The following MARCHF1 variants were observed in gnomAD, a reference collection of about 807,000 sequenced individuals.
MARCHF1 encodes E3 ubiquitin-protein ligase MARCHF1.
MARCHF1 carries 40 observed loss-of-function variants against 54.2 expected under a neutral mutation model. The observed-to-expected ratio is 0.74, with a 90% CI of 0.57 to 0.96. The LOEUF is 0.96. Among genes scored for constraint, MARCHF1 ranks in the 40% least tolerant of loss-of-function variants. MARCHF1 has a pLI of 0.00. For synonymous variants in MARCHF1, 236 were observed against 236.3 expected, an observed-to-expected ratio of 1.00 and a Z score of 0.01; for missense variants, 586 against 656.5, an observed-to-expected ratio of 0.89 and a Z score of 1.17.
chr4:164,203,609 C>A (rs1370111312), intron 1 of MARCHF1, among the ~76,000 whole-genome samples: 1 of 152,138 alleles, frequency 6.6e-6, no homozygotes, highest in Non-Finnish European at 1.5e-5. Context: ...TACCCTCACC[C>A]TGTGCCAAAA....
chr4:164,283,728 C>A (rs1175904467), intron 1 of MARCHF1, among the ~76,000 whole-genome samples: 1 of 150,744 alleles, frequency 6.6e-6, no homozygotes, highest in Non-Finnish European at 1.5e-5. Flanking sequence ...AAATTACCAA[C>A]AGAGTCATTA....
chr4:163,581,310 A>G (rs1490116415), intron 8 of MARCHF1, among the ~76,000 whole-genome samples: 1 of 152,216 alleles, frequency 6.6e-6, no homozygotes, highest in Admixed American at 6.5e-5. Context: ...GAATTAGTTA[A>G]ATGATATATG....
chr4:163,883,824 T>G lies in MARCHF1; in HGVS notation c.-38-29655A>C, dbSNP rs148114255. On this transcript the variant is annotated intron_variant, in intron 3 of 9. Coordinates refer to ENST00000514618, the MANE Select transcript of MARCHF1 (RefSeq NM_001394959.1). ...ACTGATGATAAATATTCAGACAATA[T>G]AACACCTCTTTGAGCCCGTTTCTTG... Among the ~76,000 whole-genome samples the G allele has an allele frequency of 2.5e-3, 378 of 152,034 alleles. 4 individuals carry two copies. Among genetic ancestry groups the G allele is most frequent in the African/African-American group, 8.6e-3 (356 of 41,350 alleles).
intron 2 of MARCHF1, among the ~76,000 whole-genome samples, chr4:164,013,104 G>A (rs1753458138): frequency 6.6e-6 from 1 of 152,062 alleles, no homozygotes; most frequent in Admixed American, 6.6e-5. Flanking sequence ...TCAGACAGGG[G>A]ATTCAAAATT....
At chr4:163,833,963 G>A (rs1045451508) in intron 4 of MARCHF1, among the ~76,000 whole-genome samples, 1 of 152,112 alleles carries the variant, frequency 6.6e-6, no homozygotes, top group African/African-American at 2.4e-5. Flanking sequence ...AGTGCCAATG[G>A]AGAATCCTGT....
intron 1 of MARCHF1, among the ~76,000 whole-genome samples, chr4:164,373,328 A>C (rs1372830728): frequency 6.9e-6 from 1 of 145,372 alleles, no homozygotes; most frequent in African/African-American, 2.5e-5. Flanking sequence ...GAATCTTCCC[A>C]TTAAAAATTA....
chr4:163,594,066 A>G (rs1740678034), intron 7 of MARCHF1, among the ~76,000 whole-genome samples: 1 of 152,174 alleles, frequency 6.6e-6, no homozygotes, highest in African/African-American at 2.4e-5. Flanking sequence ...GATGTGTGCC[A>G]TGTCAAGTGC....
intron 1 of MARCHF1, among the ~76,000 whole-genome samples, chr4:164,165,372 C>G (rs1043533852): frequency 6.6e-6 from 1 of 151,882 alleles, no homozygotes; most frequent in African/African-American, 2.4e-5. Context: ...GTCTCTCTCT[C>G]TCTCTCTCTC....
chr4:164,161,542 T>G lies in MARCHF1; in HGVS notation c.-322-49880A>C, dbSNP rs567690690. On this transcript the variant is annotated intron_variant, in intron 1 of 9. Transcript: ENST00000514618. Reference sequence around the variant, plus strand: ...GATATCAAAATCATCATCATCATCATCATCAGCAGCAGCAGCAGCAGCAGC... The same window carrying G: ...GATATCAAAATCATCATCATCATCAGCATCAGCAGCAGCAGCAGCAGCAGC... Among the ~76,000 whole-genome samples, 1,151 of 151,270 alleles carry G rather than the reference T, an allele frequency of 7.6e-3. 9 individuals carry two copies. Among genetic ancestry groups the G allele is most frequent in the African/African-American group, 0.027 (1,093 of 41,036 alleles).
At chr4:163,569,589 T>G (rs201378230) in intron 8 of MARCHF1, among the ~76,000 whole-genome samples, 157 of 2,092 alleles carry the variant, frequency 0.075, no homozygotes, top group Non-Finnish European at 0.11. Context: ...GTACATACTC[T>G]TATTATCCCC....
chr4:163,628,496 G>A (rs1741952753), intron 5 of MARCHF1, among the ~76,000 whole-genome samples: 1 of 152,162 alleles, frequency 6.6e-6, no homozygotes, highest in Admixed American at 6.5e-5. Flanking sequence ...ACAAGACAAG[G>A]ATGCCCTTTC....
At chr4:163,903,539 AG>A (rs1380290657) in intron 3 of MARCHF1, among the ~76,000 whole-genome samples, 3 of 152,212 alleles carry the variant, frequency 2.0e-5, no homozygotes, top group Admixed American at 2.0e-4. Context: ...AAGTTTACAT[AG>A]AATAACAAAT....
At chr4:163,856,027 CTAATT>C (rs1340763631) in intron 3 of MARCHF1, among the ~76,000 whole-genome samples, 2 of 152,130 alleles carry the variant, frequency 1.3e-5, no homozygotes, top group African/African-American at 4.8e-5. Context: ...TTTCTGATCT[CTAATT>C]TTTAGATCTG....
At chr4:163,975,196 T>TCACACACACACACA (rs1176500866) in intron 3 of MARCHF1, among the ~76,000 whole-genome samples, 1 of 119,134 alleles carries the variant, frequency 8.4e-6, no homozygotes, top group African/African-American at 3.4e-5. Context: ...TCTCTCTCTC[T>TCACACACACACACA]CACACACACA....
intron 1 of MARCHF1, among the ~76,000 whole-genome samples, chr4:164,336,149 G>C (rs1232969482): frequency 6.6e-6 from 1 of 151,996 alleles, no homozygotes; most frequent in African/African-American, 2.4e-5. Flanking sequence ...CCACCAAGGG[G>C]GAAAAATTGC....
intron 4 of MARCHF1, among the ~76,000 whole-genome samples, chr4:163,820,451 T>C (rs140148645): frequency 0.01 from 1,530 of 152,166 alleles, 22 homozygotes; most frequent in African/African-American, 0.035. Flanking sequence ...TTATCCTCTT[T>C]CACTGGGAAA....
chr4:164,201,357 C>T (rs6837299), intron 1 of MARCHF1, among the ~76,000 whole-genome samples: 13,541 of 152,012 alleles, frequency 0.089, 793 homozygotes, highest in African/African-American at 0.16. Flanking sequence ...GTAGTTGGGA[C>T]TACAGGCACG....
chr4:163,565,922 T>C (rs750333468), intron 8 of MARCHF1, among the ~76,000 whole-genome samples: 3 of 152,188 alleles, frequency 2.0e-5, no homozygotes, highest in Non-Finnish European at 4.4e-5. Flanking sequence ...TGTTAACATA[T>C]GTGCCCTGTA....
chr4:164,100,129 T>G lies in MARCHF1; in HGVS notation c.-248+11459A>C, dbSNP rs192648977. Among the ~76,000 whole-genome samples the G allele has an allele frequency of 2.5e-4, 38 of 152,338 alleles. No individual in the cohort carries two copies. In the East Asian group the frequency reaches 7.1e-3, roughly 29 times the overall value. ...AAACTCATGTTATATAGCAAGCATTTCCTCTTCAGAGGTGTTAAGAGCTTT... is the reference window on the plus strand; with the variant it reads ...AAACTCATGTTATATAGCAAGCATTGCCTCTTCAGAGGTGTTAAGAGCTTT... On this transcript the variant is annotated intron_variant, in intron 2 of 9. Coordinates refer to ENST00000514618, the MANE Select transcript of MARCHF1 (RefSeq NM_001394959.1).
Sources: allele counts gnomAD v4.1 joint callset (sites outside exome capture counted in the v4.1 genomes callset), GRCh38; gene constraint gnomAD v4.1.1; transcripts MANE v1.5; gene names NCBI Gene and HGNC (gene_info 2026-07-23, HGNC 2026-07-21).